Variants in TLE2 observed in about 807,000 individuals in gnomAD.
The protein encoded by TLE2 is transducin-like enhancer protein 2.
In TLE2, 74 loss-of-function variants were observed where a neutral mutation model predicts 97.2. The observed-to-expected ratio is 0.76, with a 90% confidence interval of 0.63 to 0.92. The LOEUF (loss-of-function observed/expected upper bound fraction) is 0.92, where lower values mean the gene tolerates loss of function less well. TLE2 is among the 40% of genes least tolerant of loss of function. The pLI, the probability that TLE2 is intolerant of heterozygous loss-of-function variation, is 0.00. For synonymous variants in TLE2, 499 were observed against 432.1 expected, an observed-to-expected ratio of 1.15 and a Z score of -1.92; for missense variants, 1,038 against 1,008.7, an observed-to-expected ratio of 1.03 and a Z score of -0.39.
At chr19:3,011,191 C>A in intron 11 of TLE2, 31 bp from the exon 12 acceptor site, 1 of 1,542,306 alleles carries the variant, frequency 6.5e-7, no homozygotes, top group Non-Finnish European at 8.7e-7. Flanking sequence ...TGAAGGCCAC[C>A]AGGCACCTGG....
intron 11 of TLE2, among the ~76,000 whole-genome samples, chr19:3,012,760 C>CGCCTCCCCT (rs923024427): frequency 2.6e-5 from 4 of 152,120 alleles, no homozygotes; most frequent in African/African-American, 7.2e-5. Context: ...TTCATGTCAT[C>CGCCTCCCCT]GCCTCCCCTG....
intron 4 of TLE2, among the ~76,000 whole-genome samples, chr19:3,027,070 G>C (rs139691786): frequency 3.4e-5 from 5 of 147,228 alleles, no homozygotes; most frequent in Non-Finnish European, 6.0e-5. Context: ...TCTCAGAACC[G>C]TGAGGTCTAT....
chr19:3,000,738 G>A lies in TLE2; in HGVS notation c.2048-15C>T, dbSNP rs555779738. ...AAACCACCGTCCTTGGGGAAGGAGA[G>A]CAGCAGGGTTCAAGGAGGGGGCACT... On this transcript the variant is annotated splice_polypyrimidine_tract_variant and intron_variant, in intron 18 of 19. Transcript: ENST00000262953. 3.0e-5 allele frequency: 47 copies of A among 1,570,858 alleles called. No individual in the cohort carries two copies. The African/African-American group carries it at 4.6e-4, about 15-fold the overall frequency.
chr19:3,041,014 T>TATATATATATATATATATATA (rs55998855), intron 1 of TLE2, among the ~76,000 whole-genome samples: 5 of 20,162 alleles, frequency 2.5e-4, no homozygotes, highest in Non-Finnish European at 4.2e-4. Context: ...TATATATATA[T>TATATATATATATATATATATA]TTTTTTTTTT....
intron 11 of TLE2, 104 bp downstream of exon 11, chr19:3,013,565 G>T: frequency 8.9e-7 from 1 of 1,123,730 alleles, no homozygotes; most frequent in Non-Finnish European, 1.1e-6. Context: ...TGCCAGCCCG[G>T]CTGGCTGATT....
chr19:3,001,902 A>G (rs180697264), intron 18 of TLE2, among the ~76,000 whole-genome samples: 1 of 147,892 alleles, frequency 6.8e-6, no homozygotes, highest in Non-Finnish European at 1.5e-5. Flanking sequence ...GGTTCAGGCA[A>G]TTCTCCTGCC....
Position 3,019,682 on chromosome 19 carries a change from G to C in TLE2, c.369+17C>G, listed in dbSNP as rs1045074409. On this transcript the variant is annotated intron_variant, in intron 6 of 19. Transcript: ENST00000262953. The surrounding 1 kb of genome is among the most constrained non-coding windows in gnomAD (Gnocchi z 5.1). ...TGGGCGTCTCCCCATGGCGGGGCAG[G>C]GGCTAGAGAGACTCACCCCGATGAG... 3.1e-6 allele frequency: 5 copies of C among 1,603,080 alleles called. No individual in the cohort carries two copies. The highest frequency in any genetic ancestry group is 4.3e-6 in the Non-Finnish European group (5 of 1,175,246).
intron 3 of TLE2, 79 bp downstream of exon 3, chr19:3,028,240 A>T: frequency 1.4e-6 from 2 of 1,430,248 alleles, no homozygotes; most frequent in Non-Finnish European, 1.9e-6. Context: ...GGAGTGGGGC[A>T]GGGACCTACC....
chr19:3,005,104 C>T (rs1433737481), intron 17 of TLE2, among the ~76,000 whole-genome samples: 1 of 151,980 alleles, frequency 6.6e-6, no homozygotes, highest in Non-Finnish European at 1.5e-5. Context: ...GCGCTCTCGG[C>T]GGCGTCCAGA....
In TLE2 at chr19:2,999,499, G is replaced by A. The variant is rs532799752; in HGVS notation, c.2124+1148C>T. Among the ~76,000 whole-genome samples, 741 of 150,302 alleles carry A rather than the reference G, an allele frequency of 4.9e-3. 11 individuals carry two copies. Among genetic ancestry groups the A allele is most frequent in the African/African-American group, 0.017 (714 of 40,842 alleles). On this transcript the variant is annotated intron_variant, in intron 19 of 19. Coordinates refer to ENST00000262953, the MANE Select transcript of TLE2 (RefSeq NM_003260.5). ...TCCCAGCACTTTGGGAGGCCAAGGC[G>A]GGTGGATCATGAGGTCAGGAGATCA...
intron 5 of TLE2, chr19:3,020,154 T>G: frequency 4.8e-6 from 1 of 208,124 alleles, no homozygotes; most frequent in Non-Finnish European, 9.8e-6. Context: ...GAGAATCGCT[T>G]GAACCCGGGA....
At chr19:3,003,050 G>A (rs1182452699) in intron 17 of TLE2, among the ~76,000 whole-genome samples, 1 of 152,074 alleles carries the variant, frequency 6.6e-6, no homozygotes, top group Non-Finnish European at 1.5e-5. Context: ...GGGTTGCGGG[G>A]GTGGAGTCCA....
upstream of TLE2, among the ~76,000 whole-genome samples, chr19:3,032,599 C>T (rs1482682948): frequency 1.3e-5 from 2 of 152,074 alleles, no homozygotes; most frequent in East Asian, 3.9e-4. The surrounding 1 kb of genome is among the most constrained non-coding windows in gnomAD (Gnocchi z 4.1). Context: ...TGTTTGTCTC[C>T]CTCACCACGA....
intron 19 of TLE2, among the ~76,000 whole-genome samples, chr19:2,998,915 C>T (rs75476301): frequency 1.1e-3 from 170 of 152,332 alleles, no homozygotes; most frequent in African/African-American, 4.0e-3. Context: ...GCAAACTTCA[C>T]AAAGGGCCTG....
intron 17 of TLE2, among the ~76,000 whole-genome samples, chr19:3,003,552 C>T (rs997280670): frequency 3.3e-4 from 50 of 151,944 alleles, no homozygotes; most frequent in Non-Finnish European, 6.0e-4. Context: ...GCAGGAGAAT[C>T]GCTTGAACTT....
chr19:3,018,822 T>A (rs146082744), intron 7 of TLE2, among the ~76,000 whole-genome samples: 73 of 152,090 alleles, frequency 4.8e-4, no homozygotes, highest in Middle Eastern at 3.4e-3. Flanking sequence ...TTTCCCATGT[T>A]GGCCAGGCTG....
upstream of TLE2, among the ~76,000 whole-genome samples, chr19:3,034,088 G>T (rs1474269563): frequency 6.6e-6 from 1 of 151,848 alleles, no homozygotes; most frequent in South Asian, 2.1e-4. Context: ...AGGTCCCCCA[G>T]ATCTCAGACT....
intron 7 of TLE2, among the ~76,000 whole-genome samples, chr19:3,018,517 T>C (rs1044856830): frequency 2.0e-5 from 3 of 152,018 alleles, no homozygotes; most frequent in Non-Finnish European, 4.4e-5. Context: ...GGTCTCAAAC[T>C]CCTGACCTCA....
intron 4 of TLE2, among the ~76,000 whole-genome samples, chr19:3,027,418 C>G (rs2089964941): frequency 6.6e-6 from 1 of 152,232 alleles, no homozygotes; most frequent in East Asian, 1.9e-4. Context: ...AACCTGGGGT[C>G]CATCTCAAAA....
Sources: allele counts gnomAD v4.1 joint callset (sites outside exome capture counted in the v4.1 genomes callset), GRCh38; gene constraint gnomAD v4.1.1; non-coding constraint Gnocchi (gnomAD v3.1); transcripts MANE v1.5; gene names NCBI Gene and HGNC (gene_info 2026-07-23, HGNC 2026-07-21).